The following TIAM2 variants were observed in gnomAD, a reference collection of about 807,000 sequenced individuals.
TIAM2 encodes the protein TIAM Rac1 associated GEF 2.
In TIAM2, 80 loss-of-function variants were observed where a neutral mutation model predicts 152.9. That is an observed-to-expected ratio of 0.52 (90% CI 0.44 to 0.63). The LOEUF is 0.63. Among genes scored for constraint, TIAM2 ranks in the 30% least tolerant of loss-of-function variants. The probability of loss-of-function intolerance (pLI) is 0.00; values close to 1 mark genes in which losing one functional copy is unlikely to be tolerated. For synonymous variants in TIAM2, 804 were observed against 838.0 expected (o/e 0.96, Z 0.70); for missense variants, 1,965 against 2,120.1 (o/e 0.93, Z 1.44).
chr6:155,064,006 A>G (rs969578699), intron 1 of TIAM2, among the ~76,000 whole-genome samples: 1 of 152,166 alleles, frequency 6.6e-6, no homozygotes, highest in African/African-American at 2.4e-5. Context: ...TGACTATCCC[A>G]TGGAAGACCA....
rs374725741 is a variant in TIAM2, at chr6:155,220,322, G to T, written c.3168+9015G>T. 2.6e-5 allele frequency among the ~76,000 whole-genome samples: 4 copies of T among 152,246 alleles called. No homozygotes were observed. The East Asian group carries it at 7.7e-4, about 29-fold the overall frequency. Reference sequence around the variant, plus strand: ...AGAGTCTGCCTGCAGCTGTGGCAGAGGGCCTGTGTTTTCTCTATTAAACAT... The same window carrying T: ...AGAGTCTGCCTGCAGCTGTGGCAGATGGCCTGTGTTTTCTCTATTAAACAT... On this transcript the variant is annotated intron_variant, in intron 15 of 26. Coordinates refer to ENST00000682666, the MANE Select transcript of TIAM2 (RefSeq NM_012454.4).
Position 155,194,441 on chromosome 6 carries a change from CT to C in TIAM2, c.3064+10942del, listed in dbSNP as rs138339451. On this transcript the variant is annotated intron_variant, in intron 14 of 26. Transcript: ENST00000682666. ...TGCCAGCCAGGGAAGGGCATTGCAG[CT>C]GCTGCTAGTCCTCTAAGAGATGACC... Among the ~76,000 whole-genome samples the C allele has an allele frequency of 4.2e-3, 633 of 152,312 alleles. 6 individuals carry two copies. The highest frequency in any genetic ancestry group is 0.015 in the African/African-American group (608 of 41,568).
chr6:155,180,612 AT>A (rs992365434), intron 12 of TIAM2, among the ~76,000 whole-genome samples: 1 of 151,026 alleles, frequency 6.6e-6, no homozygotes, highest in Non-Finnish European at 1.5e-5. Context: ...TTTATTTTTT[AT>A]TTTTTTTGAG....
Position 155,257,497 on chromosome 6 carries a change from G to C in TIAM2, c.*376G>C, listed in dbSNP as rs544359744. 24 of 337,244 alleles carry C rather than the reference G, an allele frequency of 7.1e-5. No homozygotes were observed. The East Asian group carries it at 1.6e-3, about 23-fold the overall frequency. 20.9% of individuals were successfully genotyped at this position (337,244 alleles called of 1,614,324 possible). On this transcript the variant is annotated 3_prime_UTR_variant, in exon 27 of 27. Transcript: ENST00000682666. ...TCTGGGCATTTTCTTTCAGCTGTTT[G>C]TTAGTTTTTGCTTTATTTAAAGCAT...
intron 7 of TIAM2, among the ~76,000 whole-genome samples, chr6:155,163,882 C>G (rs563880403): frequency 1.3e-5 from 2 of 152,118 alleles, no homozygotes; most frequent in African/African-American, 4.8e-5. Context: ...TGGCATGTCA[C>G]TGTATTGGGA....
At chr6:155,003,693 C>G (rs1459294889) in intron 1 of TIAM2, among the ~76,000 whole-genome samples, 3 of 152,190 alleles carry the variant, frequency 2.0e-5, no homozygotes, top group African/African-American at 7.2e-5. Context: ...TATCTCTCCC[C>G]CTCTAGCCAG....
chr6:155,123,235 C>T (rs934210864), intron 2 of TIAM2, among the ~76,000 whole-genome samples: 3 of 151,590 alleles, frequency 2.0e-5, no homozygotes, highest in African/African-American at 7.3e-5. Context: ...CACATTTGGT[C>T]AGCATTATGC....
chr6:155,207,096 T>G (rs1191144288), intron 14 of TIAM2, among the ~76,000 whole-genome samples: 1 of 152,168 alleles, frequency 6.6e-6, no homozygotes, highest in Non-Finnish European at 1.5e-5. Flanking sequence ...AGGATATACT[T>G]ACTCCCTTTA....
intron 16 of TIAM2, 115 bp downstream of exon 16, chr6:155,240,824 G>C: frequency 9.3e-7 from 1 of 1,077,742 alleles, no homozygotes; most frequent in Non-Finnish European, 1.3e-6. Flanking sequence ...CCCAGGGGGG[G>C]ACACCTGCTC....
intron 1 of TIAM2, among the ~76,000 whole-genome samples, chr6:155,037,155 T>C (rs923268496): frequency 7.9e-5 from 12 of 152,216 alleles, no homozygotes; most frequent in Non-Finnish European, 1.6e-4. Flanking sequence ...CTTTTCTTCT[T>C]GAACTATTGC....
intron 8 of TIAM2, among the ~76,000 whole-genome samples, chr6:155,164,957 G>A (rs1362166551): frequency 2.0e-5 from 3 of 152,116 alleles, no homozygotes; most frequent in Admixed American, 6.6e-5. Context: ...CCTGCAGAGC[G>A]CCCCATCAGG....
chr6:155,162,181 C>T (rs1460307228), intron 7 of TIAM2, among the ~76,000 whole-genome samples: 2 of 152,132 alleles, frequency 1.3e-5, no homozygotes, highest in African/African-American at 2.4e-5. Flanking sequence ...TGGTCTCAAA[C>T]TCCTGGGCTC....
At chr6:155,125,657 G>A (rs928083753) in intron 2 of TIAM2, among the ~76,000 whole-genome samples, 2 of 152,080 alleles carry the variant, frequency 1.3e-5, no homozygotes, top group African/African-American at 4.8e-5. Flanking sequence ...TGGCCAACAC[G>A]GTGAAGCCCT....
intron 15 of TIAM2, among the ~76,000 whole-genome samples, chr6:155,235,951 T>A (rs908279881): frequency 6.6e-6 from 1 of 152,202 alleles, no homozygotes; most frequent in Non-Finnish European, 1.5e-5. Flanking sequence ...TAACTTATGA[T>A]GTATTTTATC....
intron 1 of TIAM2, among the ~76,000 whole-genome samples, chr6:155,057,211 A>ATTC (rs1777473399): frequency 6.7e-6 from 1 of 149,684 alleles, no homozygotes; most frequent in Admixed American, 6.6e-5. Flanking sequence ...TTTTATTATT[A>ATTC]TTTTTTAAAT....
Position 155,141,399 on chromosome 6 carries a change from A to G in TIAM2, c.1631-3207A>G, listed in dbSNP as rs1583211502. Among the ~76,000 whole-genome samples the G allele has an allele frequency of 2.0e-5, 3 of 151,688 alleles. No homozygotes were observed. In the East Asian group the frequency reaches 5.8e-4, roughly 29 times the overall value. ...GTTAAAAACACATATATGTGTACACACACACACACACACACACACTCTTAA... is the reference window on the plus strand; with the variant it reads ...GTTAAAAACACATATATGTGTACACGCACACACACACACACACACTCTTAA... On this transcript the variant is annotated intron_variant, in intron 5 of 26. Coordinates refer to ENST00000682666, the MANE Select transcript of TIAM2 (RefSeq NM_012454.4).
intron 15 of TIAM2, among the ~76,000 whole-genome samples, chr6:155,228,275 C>T (rs1334192673): frequency 4.6e-5 from 7 of 152,258 alleles, no homozygotes; most frequent in South Asian, 4.1e-4. Flanking sequence ...TGGTGGCTAA[C>T]GGAGATTTGT....
chr6:155,150,647 T>A (rs1214831024), intron 7 of TIAM2, among the ~76,000 whole-genome samples: 2 of 152,186 alleles, frequency 1.3e-5, no homozygotes, highest in African/African-American at 4.8e-5. Context: ...AGCGGGTGGC[T>A]TATAAACAAG....
chr6:155,056,478 GTTC>G (rs900733341), intron 1 of TIAM2, among the ~76,000 whole-genome samples: 63 of 149,034 alleles, frequency 4.2e-4, no homozygotes, highest in African/African-American at 1.5e-3. Flanking sequence ...GGCCCTTATG[GTTC>G]TTCTTTTGAG....
Sources: allele counts gnomAD v4.1 joint callset (sites outside exome capture counted in the v4.1 genomes callset), GRCh38; gene constraint gnomAD v4.1.1; transcripts MANE v1.5; gene names NCBI Gene and HGNC (gene_info 2026-07-23, HGNC 2026-07-21).